The following SNTG2 variants were observed in gnomAD, a reference collection of about 807,000 sequenced individuals.
SNTG2 encodes gamma-2-syntrophin.
In SNTG2, 74 loss-of-function variants were observed where a neutral mutation model predicts 70.9. That is an observed-to-expected ratio of 1.04 (90% CI 0.86 to 1.27). SNTG2 has a LOEUF of 1.27. SNTG2 is among the 50% of genes most tolerant of loss of function. The pLI, the probability that SNTG2 is intolerant of heterozygous loss-of-function variation, is 0.00. For missense variants in SNTG2, 717 were observed against 690.7 expected, an observed-to-expected ratio of 1.04 and a Z score of -0.43; for synonymous variants, 278 against 273.8, an observed-to-expected ratio of 1.02 and a Z score of -0.15.
intron 14 of SNTG2, among the ~76,000 whole-genome samples, chr2:1,282,660 C>T (rs1037189139): frequency 2.0e-4 from 30 of 149,368 alleles, no homozygotes; most frequent in Non-Finnish European, 3.7e-4. Flanking sequence ...CCGGGAACTC[C>T]CCCCGCCCCC....
chr2:1,063,404 G>A lies in SNTG2; in HGVS notation c.73-20114G>A, dbSNP rs997254658. The stretch of plus-strand genomic sequence containing the variant: ...AAAGAAGCAGGAGGCATTTGCAGAA[G>A]CCTGGGAGTGGGGCAGCAGGGCCGA... On this transcript the variant is annotated intron_variant, in intron 1 of 16. Transcript: ENST00000308624. Among the ~76,000 whole-genome samples the A allele has an allele frequency of 2.0e-5, 3 of 152,246 alleles. No homozygotes were observed. In the East Asian group the frequency reaches 5.8e-4, roughly 29 times the overall value.
At chr2:1,236,289 C>A (rs1676650711) in intron 9 of SNTG2, among the ~76,000 whole-genome samples, 1 of 152,234 alleles carries the variant, frequency 6.6e-6, no homozygotes, top group Non-Finnish European at 1.5e-5. Context: ...AGTCTCCCAG[C>A]ATTTTGAAGT....
chr2:1,120,717 CAT>C (rs1667324945), intron 4 of SNTG2, among the ~76,000 whole-genome samples: 2 of 152,024 alleles, frequency 1.3e-5, no homozygotes, highest in African/African-American at 4.8e-5. Context: ...CAATCATAAA[CAT>C]ATATGCATCC....
At chr2:1,225,566 A>G (rs1675715185) in intron 9 of SNTG2, among the ~76,000 whole-genome samples, 2 of 152,204 alleles carry the variant, frequency 1.3e-5, no homozygotes, top group South Asian at 2.1e-4. Context: ...GTGGTTCTGT[A>G]AAGTCCGTAG....
At chr2:1,047,022 G>A (rs897572854) in intron 1 of SNTG2, among the ~76,000 whole-genome samples, 2 of 152,200 alleles carry the variant, frequency 1.3e-5, no homozygotes, top group East Asian at 3.9e-4. Flanking sequence ...GTCTCTTTAT[G>A]TAGTCTCATA....
intron 13 of SNTG2, among the ~76,000 whole-genome samples, chr2:1,261,494 C>A (rs980879950): frequency 6.6e-6 from 1 of 152,146 alleles, no homozygotes; most frequent in South Asian, 2.1e-4. Flanking sequence ...TGTATTTCAA[C>A]ACTCATCACG....
At chr2:1,291,288 C>A (rs929333268) in intron 14 of SNTG2, among the ~76,000 whole-genome samples, 3 of 152,178 alleles carry the variant, frequency 2.0e-5, no homozygotes, top group African/African-American at 7.2e-5. Flanking sequence ...TACAAACTTT[C>A]ACATTCTCTG....
Position 1,367,043 on chromosome 2 carries a change from C to T in SNTG2, c.1489-300C>T, listed in dbSNP as rs190663960. Among the ~76,000 whole-genome samples, 578 of 152,342 alleles carry T rather than the reference C, an allele frequency of 3.8e-3. 3 individuals carry two copies. The highest frequency in any genetic ancestry group is 6.0e-3 in the Admixed American group (92 of 15,306). ...GGTCTGACTTAATCAAGACCCATCA[C>T]TGAAGATGCAAAATAAAGGAAGTGA... On this transcript the variant is annotated intron_variant, in intron 16 of 16. Coordinates refer to ENST00000308624, the MANE Select transcript of SNTG2 (RefSeq NM_018968.4).
intron 14 of SNTG2, among the ~76,000 whole-genome samples, chr2:1,293,635 TG>T (rs1303647127): frequency 6.6e-6 from 1 of 152,220 alleles, no homozygotes; most frequent in African/African-American, 2.4e-5. Flanking sequence ...TTGTTTAAGT[TG>T]CACATATTTG....
At chr2:1,071,993 G>A (rs891077603) in intron 1 of SNTG2, among the ~76,000 whole-genome samples, 4 of 152,216 alleles carry the variant, frequency 2.6e-5, no homozygotes, top group Admixed American at 6.5e-5. Context: ...TTGGAAGCTA[G>A]CGGAGGTGGG....
At chr2:1,209,263 G>C in intron 9 of SNTG2, 33 bp downstream of exon 9, 1 of 1,613,246 alleles carries the variant, frequency 6.2e-7, no homozygotes, top group South Asian at 1.1e-5. Context: ...GGGAAACTTT[G>C]ATGAACCCCG....
chr2:956,094 A>G (rs1330558156), intron 1 of SNTG2, among the ~76,000 whole-genome samples: 3 of 50,806 alleles, frequency 5.9e-5, no homozygotes, highest in Non-Finnish European at 1.1e-4. Flanking sequence ...AATGCTCCGC[A>G]CCTGCCCCTA....
At chr2:992,249 G>A (rs1207299722) in intron 1 of SNTG2, among the ~76,000 whole-genome samples, 1 of 151,730 alleles carries the variant, frequency 6.6e-6, no homozygotes, top group African/African-American at 2.4e-5. Context: ...GGGAAATTGA[G>A]TTAGTGATAT....
At chr2:1,239,302 C>G (rs1467613709) in intron 10 of SNTG2, among the ~76,000 whole-genome samples, 2 of 152,174 alleles carry the variant, frequency 1.3e-5, no homozygotes, top group African/African-American at 4.8e-5. Flanking sequence ...TTCTGCACCT[C>G]CACTTCCTCG....
rs140467140 is a variant in SNTG2 at position 1,132,798 on chromosome 2, C to G, written c.326-4824C>G. On this transcript the variant is annotated intron_variant, in intron 4 of 16. Transcript: ENST00000308624. ...CAGACTAGAGGAAACGCCCACTCACCCTCCCTCCAGTTTTAGAGCTAAACA... is the reference window on the plus strand; with the variant it reads ...CAGACTAGAGGAAACGCCCACTCACGCTCCCTCCAGTTTTAGAGCTAAACA... Among the ~76,000 whole-genome samples, 522 of 152,232 alleles carry G rather than the reference C, an allele frequency of 3.4e-3. 3 individuals are homozygous for G. Among genetic ancestry groups the G allele is most frequent in the Middle Eastern group, 0.017 (5 of 294 alleles).
intron 8 of SNTG2, among the ~76,000 whole-genome samples, chr2:1,186,835 A>C (rs1230964969): frequency 6.6e-6 from 1 of 152,198 alleles, no homozygotes; most frequent in Non-Finnish European, 1.5e-5. Flanking sequence ...TATATTAAAC[A>C]TTAAAGAAAT....
chr2:1,251,636 C>A (rs951308593), intron 12 of SNTG2, among the ~76,000 whole-genome samples: 1 of 141,608 alleles, frequency 7.1e-6, no homozygotes, highest in African/African-American at 2.6e-5. Context: ...GCACACACAC[C>A]ACACAAACCC....
intron 8 of SNTG2, among the ~76,000 whole-genome samples, chr2:1,206,547 C>T (rs1295770298): frequency 6.6e-6 from 1 of 152,144 alleles, no homozygotes; most frequent in East Asian, 1.9e-4. Context: ...GACTTCTCCC[C>T]TAGCTGCTAG....
rs539247497 is a variant in SNTG2 at position 1,011,942 on chromosome 2, A to G, written c.72+60874A>G. 1.6e-3 allele frequency among the ~76,000 whole-genome samples: 244 copies of G among 152,362 alleles called. 4 individuals are homozygous for G. In the South Asian group the frequency reaches 0.019, roughly 12 times the overall value. On this transcript the variant is annotated intron_variant, in intron 1 of 16. Transcript: ENST00000308624. ...TGTATATAGGCATGCATTTCTTCAT[A>G]TGTATTTTATATTCTCTGAGAAACC...
Sources: gnomAD v4.1 joint callset for allele counts (sites outside exome capture counted in the v4.1 genomes callset) on GRCh38, gnomAD v4.1.1 for gene constraint, MANE v1.5 for transcripts, NCBI Gene and HGNC (gene_info 2026-07-23, HGNC 2026-07-21) for gene names.